ASB18: variants seen among roughly 807,000 people sequenced by gnomAD.
The protein encoded by ASB18 is ankyrin repeat and SOCS box protein 18.
A neutral mutation model predicts 33.4 loss-of-function variants in ASB18; 33 were observed. The observed-to-expected ratio is 0.99, with a 90% CI of 0.75 to 1.32. The LOEUF (loss-of-function observed/expected upper bound fraction) is 1.32. Ranked by LOEUF, ASB18 falls within the 40% of genes most tolerant of loss-of-function variation. The probability of loss-of-function intolerance (pLI) is 0.00; values close to 1 mark genes in which losing one functional copy is unlikely to be tolerated. For synonymous variants in ASB18, 295 were observed against 307.6 expected, an observed-to-expected ratio of 0.96 and a Z score of 0.43; for missense variants, 694 against 655.5, an observed-to-expected ratio of 1.06 and a Z score of -0.64.
In ASB18 at chr2:236,211,496, C is replaced by T. The variant is rs566404899; in HGVS notation, c.1101+2866G>A. On this transcript the variant is annotated intron_variant, in intron 4 of 5. Coordinates refer to ENST00000409749, the MANE Select transcript of ASB18 (RefSeq NM_212556.4). This position sits in a 1 kb window ranked among gnomAD's most constrained non-coding sequence, Gnocchi z 5.0. ...AAGCTCGCTGTGAAACCTTTTGCCT[C>T]GGTAATTCTGCGCTCCATGGGTGTC... Among the ~76,000 whole-genome samples, 6 of 152,364 alleles carry T rather than the reference C, an allele frequency of 3.9e-5. No homozygotes were observed. The highest frequency in any genetic ancestry group is 2.1e-4 in the South Asian group (1 of 4,830).
chr2:236,221,820 G>C lies in ASB18; in HGVS notation c.597-6954C>G, dbSNP rs1455139787. Among the ~76,000 whole-genome samples, 1 of 152,138 alleles carries C rather than the reference G, an allele frequency of 6.6e-6. No individual in the cohort carries two copies. Among genetic ancestry groups the C allele is most frequent in the Admixed American group, 6.5e-5 (1 of 15,282 alleles). On this transcript the variant is annotated intron_variant, in intron 3 of 5. Coordinates refer to ENST00000409749, the MANE Select transcript of ASB18 (RefSeq NM_212556.4). This position sits in a 1 kb window ranked among gnomAD's most constrained non-coding sequence, Gnocchi z 5.6. ...TGAGCACTACACAGTGTGTTCAGTG[G>C]GGGTAATGGGTGTTATGAGCTCGTC... is the stretch of plus-strand genomic sequence containing the variant.
At chr2:236,212,784 C>T (rs1163629267) in intron 4 of ASB18, among the ~76,000 whole-genome samples, 1 of 152,036 alleles carries the variant, frequency 6.6e-6, no homozygotes, top group Non-Finnish European at 1.5e-5. Context: ...GCCACCAGGC[C>T]CTGCTAATTT....
At position 236,211,077 on chromosome 2, in the gene ASB18, C is replaced by T. The variant is rs2060456872; in HGVS notation, c.1101+3285G>A. ...GAAGGAGAGAGACCCCTGAGCACAG[C>T]CTTTTATCCAGACCAAGCATCCAGC... On this transcript the variant is annotated intron_variant, in intron 4 of 5. Coordinates refer to ENST00000409749, the MANE Select transcript of ASB18 (RefSeq NM_212556.4). The surrounding 1 kb of genome is among the most constrained non-coding windows in gnomAD (Gnocchi z 5.0). Among the ~76,000 whole-genome samples the T allele has an allele frequency of 6.6e-6, 1 of 152,170 alleles. No individual in the cohort carries two copies. The highest frequency in any genetic ancestry group is 2.4e-5 in the African/African-American group (1 of 41,432).
In ASB18 at chr2:236,263,417, A is replaced by G. The variant is rs1211063985; in HGVS notation, c.205+724T>C. On this transcript the variant is annotated intron_variant, in intron 1 of 5. Coordinates refer to ENST00000409749, the MANE Select transcript of ASB18 (RefSeq NM_212556.4). The surrounding 1 kb of genome is among the most constrained non-coding windows in gnomAD (Gnocchi z 4.0). ...AGAATTACCAGTGTGTGCTTATCAA[A>G]TGGCAATTTAATACAAACATTCATT... Among the ~76,000 whole-genome samples the G allele has an allele frequency of 6.6e-6, 1 of 152,210 alleles. No individual in the cohort carries two copies. Among genetic ancestry groups the G allele is most frequent in the Non-Finnish European group, 1.5e-5 (1 of 68,040 alleles).
Position 236,196,284 on chromosome 2 carries a change from C to T in ASB18, c.1203G>A (p.Glu401=). The stretch of plus-strand genomic sequence containing the variant: ...GCAGCCCTCTTGCCTGGAATACTTC[C>T]TCAGGAATCACTTCCTTCCAGGACT... ...LSESWKEVIP[E]EVFQMHKPFY... Residue 401 remains glutamate (E), a synonymous_variant, in exon 5 of 6, where the codon GAG becomes GAA. Coordinates refer to ENST00000409749, the MANE Select transcript of ASB18 (RefSeq NM_212556.4). This position sits in a 1 kb window ranked among gnomAD's most constrained non-coding sequence, Gnocchi z 5.6. 2 of 1,549,236 alleles carry T rather than the reference C, an allele frequency of 1.3e-6. No homozygotes were observed. Among genetic ancestry groups the T allele is most frequent in the Non-Finnish European group, 8.7e-7 (1 of 1,142,970 alleles).
At chr2:236,236,621 CT>C (rs1392284493) in intron 3 of ASB18, among the ~76,000 whole-genome samples, 1 of 143,876 alleles carries the variant, frequency 7.0e-6, no homozygotes, top group Non-Finnish European at 1.6e-5. Flanking sequence ...ACGTGGCCCC[CT>C]GATCCCCCCT....
Position 236,225,209 on chromosome 2 carries a change from C to T in ASB18, c.597-10343G>A, listed in dbSNP as rs965804738. Among the ~76,000 whole-genome samples the T allele has an allele frequency of 6.6e-6, 1 of 152,184 alleles. No individual in the cohort carries two copies. The highest frequency in any genetic ancestry group is 2.4e-5 in the African/African-American group (1 of 41,440). On this transcript the variant is annotated intron_variant, in intron 3 of 5. Transcript: ENST00000409749. The surrounding 1 kb of genome is among the most constrained non-coding windows in gnomAD (Gnocchi z 5.1). ...TGATCATGACTCACTGTAGCCTCGA[C>T]TTCCTGGGCTCAAGTGATCCTCCAG...
In ASB18 at chr2:236,195,057, T is replaced by C. The variant is rs757623786; in HGVS notation, c.1216A>G (p.Met406Val). ...KEVIPEEVFQ[M>V]HKPFYQSLFA... ...AGGGACTGGTAGAACGGCTTGTGCA[T>C]CTGGAAGGGAAGGCAGGTGGATTAG... The change falls in exon 6 of 6, where the codon ATG becomes GTG. Residue 406 changes from methionine to valine, a missense_variant and splice_region_variant. Transcript: ENST00000409749. This position sits in a 1 kb window ranked among gnomAD's most constrained non-coding sequence, Gnocchi z 5.5. The C allele has an allele frequency of 5.6e-6, 9 of 1,606,236 alleles. No individual in the cohort carries two copies. The African/African-American group carries it at 1.1e-4, about 19-fold the overall frequency.
Position 236,241,131 on chromosome 2 carries a change from A to G in ASB18, c.328+149T>C. ...GGCCATCACCTAAAACCTACACTTT[A>G]CTGCGAGCAAACTTCATCAGATGTC... On this transcript the variant is annotated intron_variant, in intron 2 of 5. Transcript: ENST00000409749. The surrounding 1 kb of genome is among the most constrained non-coding windows in gnomAD (Gnocchi z 4.2). 4 of 800,232 alleles carry G rather than the reference A, an allele frequency of 5.0e-6. No individual in the cohort carries two copies. Among genetic ancestry groups the G allele is most frequent in the Non-Finnish European group, 8.2e-6 (4 of 490,718 alleles). The allele number at this position is 800,232 out of a possible 1,614,324, so 49.6% of individuals were successfully genotyped here.
In ASB18 at chr2:236,252,267, T is replaced by TCACACACA. The variant is rs113672805; in HGVS notation, c.206-10873_206-10866dup. ...GCCTTGGCAACAGAGTGAGACTCCG[T>TCACACACA]CACACACACACACACACACACACAC... On this transcript the variant is annotated intron_variant, in intron 1 of 5. Transcript: ENST00000409749. This position sits in a 1 kb window ranked among gnomAD's most constrained non-coding sequence, Gnocchi z 7.9. Among the ~76,000 whole-genome samples the TCACACACA allele has an allele frequency of 0.056, 7,703 of 138,524 alleles. 230 individuals are homozygous for TCACACACA. The highest frequency in any genetic ancestry group is 0.071 in the Non-Finnish European group (4,543 of 63,754). The allele number at this position is 138,524 out of a possible 152,430, so 90.9% of individuals were successfully genotyped here.
At position 236,264,200 on chromosome 2, in the gene ASB18, A is replaced by T. The variant is rs1261583610; in HGVS notation, c.146T>A (p.Leu49Gln). Residue 49 changes from leucine to glutamine, a missense_variant, in exon 1 of 6, where the codon CTG becomes CAG. Transcript: ENST00000409749. This position sits in a 1 kb window ranked among gnomAD's most constrained non-coding sequence, Gnocchi z 5.1. ...GTCTTTCATCCAGTCGTCATTGGCCAGTTCTATCACAGCGTCCACAGGCGT... is the reference window on the plus strand; with the variant it reads ...GTCTTTCATCCAGTCGTCATTGGCCTGTTCTATCACAGCGTCCACAGGCGT... ...EITPVDAVIE[L>Q]ANDDWMKDPS... 3.3e-5 allele frequency: 54 copies of T among 1,613,840 alleles called. No homozygotes were observed. The highest frequency in any genetic ancestry group is 4.5e-5 in the Non-Finnish European group (53 of 1,179,892).
At chr2:236,201,068 T>C (rs1408319732) in intron 4 of ASB18, among the ~76,000 whole-genome samples, 2 of 152,208 alleles carry the variant, frequency 1.3e-5, no homozygotes, top group Non-Finnish European at 2.9e-5. Context: ...CCTTTGAACG[T>C]TGGTAGGGTC....
At chr2:236,240,394 C>T (rs1364079458) in intron 2 of ASB18, among the ~76,000 whole-genome samples, 2 of 152,216 alleles carry the variant, frequency 1.3e-5, no homozygotes, top group South Asian at 2.1e-4. Context: ...GCCAACCTTC[C>T]GCATTCTTTG....
At position 236,229,422 on chromosome 2, in the gene ASB18, G is replaced by A. The variant is rs1330308708; in HGVS notation, c.596+8267C>T. Among the ~76,000 whole-genome samples the A allele has an allele frequency of 6.6e-6, 1 of 152,132 alleles. No homozygotes were observed. The highest frequency in any genetic ancestry group is 1.5e-5 in the Non-Finnish European group (1 of 68,038). ...TAGTATATGTATAATTGGAGTCCCT[G>A]AAGGAGAGTACTGGTTGTATAGAAA... On this transcript the variant is annotated intron_variant, in intron 3 of 5. Coordinates refer to ENST00000409749, the MANE Select transcript of ASB18 (RefSeq NM_212556.4). This position sits in a 1 kb window ranked among gnomAD's most constrained non-coding sequence, Gnocchi z 5.2.
In ASB18 at chr2:236,205,164, C is replaced by T. The variant is rs1399885249; in HGVS notation, c.1102-8779G>A. On this transcript the variant is annotated intron_variant, in intron 4 of 5. Transcript: ENST00000409749. This position sits in a 1 kb window ranked among gnomAD's most constrained non-coding sequence, Gnocchi z 5.4. Reference sequence around the variant, plus strand: ...ATTGTTGGATTGCGTCACTCCTCTGCTCAAATCCCTCCAATGGTCAAAGTC... The same window carrying T: ...ATTGTTGGATTGCGTCACTCCTCTGTTCAAATCCCTCCAATGGTCAAAGTC... Among the ~76,000 whole-genome samples the T allele has an allele frequency of 6.6e-6, 1 of 152,204 alleles. No individual in the cohort carries two copies. The highest frequency in any genetic ancestry group is 1.5e-5 in the Non-Finnish European group (1 of 68,032).
rs368085108 is a variant in ASB18 at position 236,257,902 on chromosome 2, G to A, written c.205+6239C>T. On this transcript the variant is annotated intron_variant, in intron 1 of 5. Coordinates refer to ENST00000409749, the MANE Select transcript of ASB18 (RefSeq NM_212556.4). The surrounding 1 kb of genome is among the most constrained non-coding windows in gnomAD (Gnocchi z 5.5). ...AGCCTCATTTTCCTCAGCTGGAGGA[G>A]TGGAAAGGGGAGAGCTCTTGGAGAT... 1.5e-3 allele frequency among the ~76,000 whole-genome samples: 227 copies of A among 152,344 alleles called. 9 individuals are homozygous for A. The South Asian group carries it at 0.046, about 31-fold the overall frequency.
chr2:236,197,245 G>A (rs186983352), intron 4 of ASB18, among the ~76,000 whole-genome samples: 194 of 152,196 alleles, frequency 1.3e-3, no homozygotes, highest in Admixed American at 2.3e-3. Context: ...ATAATATCAC[G>A]TCATATACAA....
chr2:236,246,705 A>G (rs1346491919), intron 1 of ASB18, among the ~76,000 whole-genome samples: 1 of 152,242 alleles, frequency 6.6e-6, no homozygotes, highest in African/African-American at 2.4e-5. Context: ...CCAGAACAAC[A>G]TGATGGGCTT....
At position 236,208,684 on chromosome 2, in the gene ASB18, G is replaced by A. The variant is rs2106266346; in HGVS notation, c.1101+5678C>T. ...GCCTGTCTCTGGGAATTCATTTTCT[G>A]TCTCTCCTCTGTTCCACCTCTCTGG... On this transcript the variant is annotated intron_variant, in intron 4 of 5. Coordinates refer to ENST00000409749, the MANE Select transcript of ASB18 (RefSeq NM_212556.4). The surrounding 1 kb of genome is among the most constrained non-coding windows in gnomAD (Gnocchi z 7.7). Among the ~76,000 whole-genome samples, 1 of 152,080 alleles carries A rather than the reference G, an allele frequency of 6.6e-6. No individual in the cohort carries two copies. Among genetic ancestry groups the A allele is most frequent in the Middle Eastern group, 3.4e-3 (1 of 294 alleles).
Sources: gnomAD v4.1 joint callset for allele counts (sites outside exome capture counted in the v4.1 genomes callset) on GRCh38, gnomAD v4.1.1 for gene constraint, Gnocchi (gnomAD v3.1) non-coding constraint, MANE v1.5 for transcripts, NCBI Gene and HGNC (gene_info 2026-07-23, HGNC 2026-07-21) for gene names.